Variants in SULF2 observed in about 807,000 individuals in gnomAD.
The protein encoded by SULF2 is extracellular sulfatase Sulf-2.
A neutral mutation model predicts 107.7 loss-of-function variants in SULF2; 52 were observed. The ratio of observed to expected loss-of-function variants is 0.48; its 90% CI spans 0.39 to 0.61. The LOEUF is 0.61. Ranked by LOEUF, SULF2 falls within the 20% of genes least tolerant of loss-of-function variation. The pLI is 0.00. For missense variants in SULF2, 993 were observed against 1,177.3 expected, an observed-to-expected ratio of 0.84 and a Z score of 2.29; for synonymous variants, 460 against 464.3, an observed-to-expected ratio of 0.99 and a Z score of 0.12.
At chr20:47,691,657 T>C (rs1568821765) in intron 4 of SULF2, among the ~76,000 whole-genome samples, 1 of 152,186 alleles carries the variant, frequency 6.6e-6, no homozygotes, top group Non-Finnish European at 1.5e-5. Flanking sequence ...AGAGGGCAGA[T>C]GGCAACTGGC....
intron 3 of SULF2, among the ~76,000 whole-genome samples, chr20:47,720,097 T>C (rs1171749413): frequency 6.6e-6 from 1 of 152,120 alleles, no homozygotes; most frequent in Non-Finnish European, 1.5e-5. Flanking sequence ...TGCAGGCACC[T>C]GCCACCACGA....
At chr20:47,703,870 T>G (rs2088645440) in intron 3 of SULF2, among the ~76,000 whole-genome samples, 1 of 152,186 alleles carries the variant, frequency 6.6e-6, no homozygotes, top group African/African-American at 2.4e-5. Context: ...GGGATGCATC[T>G]CAACAACCTA....
intron 4 of SULF2, among the ~76,000 whole-genome samples, chr20:47,700,988 T>G (rs1190229015): frequency 6.6e-6 from 1 of 152,150 alleles, no homozygotes; most frequent in Non-Finnish European, 1.5e-5. Context: ...GCAATCCTTC[T>G]TTGGGTGTAT....
intron 3 of SULF2, among the ~76,000 whole-genome samples, chr20:47,709,447 T>C (rs1289603815): frequency 2.0e-5 from 3 of 152,222 alleles, no homozygotes; most frequent in Non-Finnish European, 4.4e-5. Flanking sequence ...TTCACCTGCC[T>C]GGCTCTGTCA....
At chr20:47,715,797 GTCTTGAGC>G (rs2089100088) in intron 3 of SULF2, among the ~76,000 whole-genome samples, 1 of 152,158 alleles carries the variant, frequency 6.6e-6, no homozygotes, top group Non-Finnish European at 1.5e-5. Context: ...GGCCAGGCTG[GTCTTGAGC>G]TGACCTCAAG....
At chr20:47,740,575 G>A (rs2089853972) in intron 2 of SULF2, among the ~76,000 whole-genome samples, 1 of 152,144 alleles carries the variant, frequency 6.6e-6, no homozygotes, top group African/African-American at 2.4e-5. Flanking sequence ...TTAATTGCGT[G>A]GCTTGGTTTC....
chr20:47,664,957 C>T (rs1430484794), intron 14 of SULF2, among the ~76,000 whole-genome samples: 1 of 152,212 alleles, frequency 6.6e-6, no homozygotes, highest in Non-Finnish European at 1.5e-5. Flanking sequence ...GCCGGCTCTG[C>T]GCAGCCAGCA....
At chr20:47,761,031 C>T (rs542577733) in intron 1 of SULF2, among the ~76,000 whole-genome samples, 114 of 152,300 alleles carry the variant, frequency 7.5e-4, no homozygotes, top group African/African-American at 2.7e-3. Context: ...AATGGGTGTG[C>T]AGGATTAAAT....
intron 4 of SULF2, among the ~76,000 whole-genome samples, chr20:47,695,324 T>C (rs1289347189): frequency 6.6e-6 from 1 of 152,136 alleles, no homozygotes; most frequent in Non-Finnish European, 1.5e-5. Flanking sequence ...TTTAACAAAG[T>C]TTTATCTGTG....
chr20:47,663,135 A>C lies in SULF2; in HGVS notation c.2305T>G (p.Phe769Val). The change falls in exon 17 of 21, where the codon TTC (phenylalanine) becomes GTC (valine). Residue 769 changes from phenylalanine (F) to valine (V), a missense_variant. Phe to Val is a conservative substitution (Grantham distance 50). Coordinates refer to ENST00000688720, the MANE Select transcript of SULF2 (RefSeq NM_001387048.1). ...CCAGTTGCAAATTCACAGAAGAGGAAATTGTGAGTCTCATTGATGGTCCTC... is the reference window on the plus strand; with the variant it reads ...CCAGTTGCAAATTCACAGAAGAGGACATTGTGAGTCTCATTGATGGTCCTC... Reference protein sequence around the residue: ...CMRTINETHNFLFCEFATGFL... With the variant: ...CMRTINETHNVLFCEFATGFL... 1.2e-6 allele frequency: 2 copies of C among 1,614,046 alleles called. No individual in the cohort carries two copies. Among genetic ancestry groups the C allele is most frequent in the Non-Finnish European group, 1.7e-6 (2 of 1,180,006 alleles).
rs1017030716 is a variant in SULF2, at chr20:47,678,502, G to A, written c.1193+174C>T. Reference sequence around the variant, plus strand: ...ATTCCAGATGGGAAGACAGAATCTCGGAGAGGGGACCATGCTTCTCTCCCA... The same window carrying A: ...ATTCCAGATGGGAAGACAGAATCTCAGAGAGGGGACCATGCTTCTCTCCCA... On this transcript the variant is annotated intron_variant, in intron 8 of 20. Transcript: ENST00000688720. The surrounding 1 kb of genome is among the most constrained non-coding windows in gnomAD (Gnocchi z 4.5). The A allele has an allele frequency of 2.3e-5, 14 of 606,702 alleles. No homozygotes were observed. Among genetic ancestry groups the A allele is most frequent in the Admixed American group, 1.3e-4 (4 of 30,850 alleles). 37.6% of individuals were successfully genotyped at this position (606,702 alleles called of 1,614,324 possible).
chr20:47,759,401 A>G (rs544000699), intron 1 of SULF2, among the ~76,000 whole-genome samples: 1 of 152,324 alleles, frequency 6.6e-6, no homozygotes, highest in East Asian at 1.9e-4. Context: ...TTTTAAAAAT[A>G]ACTCCCGCAG....
chr20:47,730,363 G>A (rs1046005205), intron 3 of SULF2, among the ~76,000 whole-genome samples: 5 of 152,276 alleles, frequency 3.3e-5, no homozygotes, highest in Non-Finnish European at 5.9e-5. Flanking sequence ...AGATTCAGGT[G>A]TGGAAGGAGA....
At chr20:47,705,788 C>CCTTTT (rs200141836) in intron 3 of SULF2, among the ~76,000 whole-genome samples, 1 of 143,112 alleles carries the variant, frequency 7.0e-6, no homozygotes, top group African/African-American at 2.5e-5. Context: ...ATCCAAGAAA[C>CCTTTT]CTTTTCTTTT....
chr20:47,727,575 T>C (rs1168983840), intron 3 of SULF2, among the ~76,000 whole-genome samples: 2 of 152,156 alleles, frequency 1.3e-5, no homozygotes, highest in Non-Finnish European at 1.5e-5. Flanking sequence ...GGGTGTCGCC[T>C]GGAAACAATC....
At chr20:47,701,392 C>T (rs1050409878) in intron 4 of SULF2, among the ~76,000 whole-genome samples, 2 of 152,154 alleles carry the variant, frequency 1.3e-5, no homozygotes, top group African/African-American at 4.8e-5. Flanking sequence ...CAGATGCACA[C>T]GTATGTGAAA....
At chr20:47,673,281 C>T (rs773226831) in intron 10 of SULF2, among the ~76,000 whole-genome samples, 1 of 152,156 alleles carries the variant, frequency 6.6e-6, no homozygotes, top group Non-Finnish European at 1.5e-5. Flanking sequence ...AGATCTGTTC[C>T]CTGTGTCTCT....
At chr20:47,785,802 C>T, upstream of SULF2, 1 of 150,314 alleles carries the variant, frequency 6.7e-6, no homozygotes, top group South Asian at 2.0e-4. Context: ...CCGCGGTGCC[C>T]TCCTCGAGCC....
At chr20:47,686,353 C>G (rs6090711) in intron 5 of SULF2, 95,241 of 152,186 alleles carry the variant, frequency 0.63, 29,943 homozygotes, top group South Asian at 0.69. Context: ...ATGCCGGGCC[C>G]CTGGCTCCGA....
Sources: gnomAD v4.1 joint callset for allele counts (sites outside exome capture counted in the v4.1 genomes callset) on GRCh38, gnomAD v4.1.1 for gene constraint, Gnocchi (gnomAD v3.1) non-coding constraint, MANE v1.5 for transcripts, NCBI Gene and HGNC (gene_info 2026-07-23, HGNC 2026-07-21) for gene names.